Variants in RCL1 observed in about 807,000 individuals in gnomAD.
RCL1 encodes the protein RNA terminal phosphate cyclase like 1, also known as RNA 3'-terminal phosphate cyclase-like protein.
A neutral mutation model predicts 42.4 loss-of-function variants in RCL1; 24 were observed. That is an observed-to-expected ratio of 0.57 (90% CI 0.41 to 0.80). The LOEUF is 0.80. Ranked by LOEUF, RCL1 falls within the 30% of genes least tolerant of loss-of-function variation. The pLI is 0.00. For missense variants in RCL1, 578 were observed against 467.9 expected (o/e 1.24, Z -2.17); for synonymous variants, 228 against 177.3 (o/e 1.29, Z -2.27).
At chr9:4,797,647 C>T (rs865820161) in intron 1 of RCL1, among the ~76,000 whole-genome samples, 23 of 152,178 alleles carry the variant, frequency 1.5e-4, no homozygotes, top group African/African-American at 5.3e-4. Context: ...GTCAGTAGTG[C>T]TGATGTAGAA....
At position 4,860,483 on chromosome 9, in the gene RCL1, G is replaced by A; in HGVS notation, c.*208G>A. 1 of 561,920 alleles carries A rather than the reference G, an allele frequency of 1.8e-6. No homozygotes were observed. The highest frequency in any genetic ancestry group is 2.7e-5 in the South Asian group (1 of 37,344). 34.8% of individuals were successfully genotyped at this position (561,920 alleles called of 1,614,324 possible). A position where few individuals can be genotyped will look rare whatever the true frequency, so the allele number is the denominator to read the frequency against. ...CCAGTGGCATTGCCATTGCCCAGGAGGGGCCCAGTCACCATGAGAGCTCCC... is the reference window on the plus strand; with the variant it reads ...CCAGTGGCATTGCCATTGCCCAGGAAGGGCCCAGTCACCATGAGAGCTCCC... On this transcript the variant is annotated 3_prime_UTR_variant, in exon 9 of 9. Coordinates refer to ENST00000381750, the MANE Select transcript of RCL1 (RefSeq NM_005772.5).
intron 8 of RCL1, among the ~76,000 whole-genome samples, chr9:4,854,989 G>T (rs1277166580): frequency 6.7e-6 from 1 of 148,406 alleles, no homozygotes; most frequent in African/African-American, 2.5e-5. Flanking sequence ...GGAGGCAGAG[G>T]TTGCAGTTAG....
intron 3 of RCL1, among the ~76,000 whole-genome samples, chr9:4,832,340 T>TC (rs1412207876): frequency 6.6e-6 from 1 of 152,168 alleles, no homozygotes; most frequent in Non-Finnish European, 1.5e-5. Context: ...ATCATCACCT[T>TC]CCCTTTAGCT....
chr9:4,819,697 C>T (rs1403814169), intron 1 of RCL1, among the ~76,000 whole-genome samples: 3 of 152,202 alleles, frequency 2.0e-5, no homozygotes, highest in African/African-American at 7.2e-5. Context: ...GTCCCAGCTA[C>T]TCGGGAGGCT....
chr9:4,844,784 A>G, intron 7 of RCL1, 103 bp downstream of exon 7: 12 of 1,185,752 alleles, frequency 1.0e-5, no homozygotes, highest in Non-Finnish European at 1.4e-5. Flanking sequence ...GCTCAAGCCA[A>G]GGAGATAATC....
intron 1 of RCL1, among the ~76,000 whole-genome samples, 178 bp downstream of exon 1, chr9:4,793,405 G>A: frequency 6.6e-6 from 1 of 152,010 alleles, no homozygotes; most frequent in Non-Finnish European, 1.5e-5. Context: ...GGGAGGCGGG[G>A]TCGGGGCCCG....
intron 5 of RCL1, chr9:4,836,813 G>A (rs534189788): frequency 1.3e-5 from 2 of 152,478 alleles, no homozygotes; most frequent in South Asian, 4.1e-4. Context: ...GCCATGTGCA[G>A]AGAGAGTGCT....
At chr9:4,852,797 G>A in intron 8 of RCL1, among the ~76,000 whole-genome samples, 1 of 150,700 alleles carries the variant, frequency 6.6e-6, no homozygotes, top group African/African-American at 2.4e-5. Context: ...TGCTCCTTGA[G>A]GAGCAGGACT....
At chr9:4,851,618 T>A (rs965007473) in intron 8 of RCL1, among the ~76,000 whole-genome samples, 2 of 152,172 alleles carry the variant, frequency 1.3e-5, no homozygotes, top group African/African-American at 4.8e-5. Context: ...TCTAATGGAT[T>A]CAAGAGCTTT....
intron 8 of RCL1, among the ~76,000 whole-genome samples, chr9:4,852,180 C>T (rs1817777089): frequency 6.6e-6 from 1 of 152,076 alleles, no homozygotes; most frequent in Non-Finnish European, 1.5e-5. Context: ...CAAGTCCGGC[C>T]AATGTGAAAC....
At chr9:4,798,545 A>C (rs1229666427) in intron 1 of RCL1, among the ~76,000 whole-genome samples, 1 of 152,256 alleles carries the variant, frequency 6.6e-6, no homozygotes, top group Non-Finnish European at 1.5e-5. Flanking sequence ...GTTTTAATCA[A>C]AAGGGTCCTT....
intron 1 of RCL1, among the ~76,000 whole-genome samples, chr9:4,801,958 G>A (rs1014818671): frequency 2.0e-5 from 3 of 151,860 alleles, no homozygotes; most frequent in Non-Finnish European, 2.9e-5. Flanking sequence ...GTTGCCGCTG[G>A]AGTGCGGTGG....
intron 1 of RCL1, among the ~76,000 whole-genome samples, chr9:4,802,508 C>A (rs1029620374): frequency 6.6e-6 from 1 of 152,154 alleles, no homozygotes; most frequent in Non-Finnish European, 1.5e-5. Context: ...TTACTTAAAT[C>A]TGTTTCTTTT....
At chr9:4,827,906 G>A (rs144592245) in intron 3 of RCL1, among the ~76,000 whole-genome samples, 2 of 152,108 alleles carry the variant, frequency 1.3e-5, no homozygotes, top group African/African-American at 4.8e-5. Flanking sequence ...CTGATGGCCG[G>A]CCGGGCGCAG....
chr9:4,860,010 T>A (rs1818108777), intron 8 of RCL1, 115 bp from the exon 9 acceptor site: 1 of 665,640 alleles, frequency 1.5e-6, no homozygotes, highest in Admixed American at 3.4e-5. Flanking sequence ...TGAGAAGGTC[T>A]TAACTTCAGC....
intron 3 of RCL1, 197 bp downstream of exon 3, chr9:4,827,230 T>C: frequency 6.7e-7 from 1 of 1,503,532 alleles, no homozygotes; most frequent in Non-Finnish European, 8.9e-7. Flanking sequence ...TTCAGGACTA[T>C]TGTTAACAGT....
At chr9:4,806,596 AC>A (rs1815978846) in intron 1 of RCL1, among the ~76,000 whole-genome samples, 1 of 135,822 alleles carries the variant, frequency 7.4e-6, no homozygotes, top group South Asian at 2.3e-4. Flanking sequence ...CTACACACAC[AC>A]ACACACACAC....
chr9:4,844,794 C>T (rs1272888538), intron 7 of RCL1, 113 bp downstream of exon 7: 6 of 1,081,900 alleles, frequency 5.5e-6, no homozygotes, highest in Non-Finnish European at 6.7e-6. Flanking sequence ...AGGAGATAAT[C>T]TGTTCCTGTG....
chr9:4,810,904 T>C (rs982110179), intron 1 of RCL1, among the ~76,000 whole-genome samples: 1 of 152,310 alleles, frequency 6.6e-6, no homozygotes, highest in Non-Finnish European at 1.5e-5. Flanking sequence ...GCTTTCATTG[T>C]TTTTAATGAT....
Sources: allele counts gnomAD v4.1 joint callset (sites outside exome capture counted in the v4.1 genomes callset), GRCh38; gene constraint gnomAD v4.1.1; transcripts MANE v1.5; gene names NCBI Gene and HGNC (gene_info 2026-07-23, HGNC 2026-07-21).